RRAGD: variants seen among roughly 807,000 people sequenced by gnomAD.
RRAGD encodes Ras related GTP binding D, also known as ras-related GTP-binding protein D.
RRAGD carries 12 observed loss-of-function variants against 35.5 expected under a neutral mutation model. The observed-to-expected ratio is 0.34, with a 90% CI of 0.22 to 0.55. RRAGD has a LOEUF of 0.55. Among genes scored for constraint, RRAGD ranks in the 20% least tolerant of loss-of-function variants. RRAGD has a pLI of 0.91. For synonymous variants in RRAGD, 155 were observed against 178.9 expected, an observed-to-expected ratio of 0.87 and a Z score of 1.07; for missense variants, 324 against 490.1, an observed-to-expected ratio of 0.66 and a Z score of 3.20.
At chr6:89,374,106 G>A (rs754833553) in intron 5 of RRAGD, among the ~76,000 whole-genome samples, 9 of 152,072 alleles carry the variant, frequency 5.9e-5, no homozygotes, top group African/African-American at 1.9e-4. Flanking sequence ...CTGAGAACTA[G>A]CATTTATTAA....
Position 89,411,821 on chromosome 6 carries a change from G to A in RRAGD, c.148+25C>T. On this transcript the variant is annotated intron_variant, in intron 1 of 6. Transcript: ENST00000369415. The surrounding 1 kb of genome is among the most constrained non-coding windows in gnomAD (Gnocchi z 5.6). ...CAAGGGGAGGAAAGGGGCGCGAGCC[G>A]AGGACGCGGGGGCCGGGCGCTCACC... The A allele has an allele frequency of 1.3e-6, 2 of 1,541,776 alleles. No individual in the cohort carries two copies. The highest frequency in any genetic ancestry group is 8.7e-7 in the Non-Finnish European group (1 of 1,148,086).
chr6:89,380,234 T>A lies in RRAGD; in HGVS notation c.578A>T (p.Gln193Leu). 3 of 1,614,272 alleles carry A rather than the reference T, an allele frequency of 1.9e-6. No homozygotes were observed. Among genetic ancestry groups the A allele is most frequent in the Non-Finnish European group, 2.5e-6 (3 of 1,180,052 alleles). Residue 193 changes from glutamine to leucine, a missense_variant, in exon 3 of 7, where the codon CAA (glutamine) becomes CTA (leucine). Gln to Leu is a moderately radical substitution (Grantham distance 113). Coordinates refer to ENST00000369415, the MANE Select transcript of RRAGD (RefSeq NM_021244.5). The part of the protein sequence containing the change: ...GLSDDHKIET[Q>L]RDIHQRANDD... ...GTTTGCCCTCTGGTGAATATCTCTT[T>A]GGGTTTCAATTTTGTGGTCATCTGA...
rs1768772980 is a variant in RRAGD, at chr6:89,367,379, G to A, written c.*677C>T. ...AAGTGATTATAGAGATGTGTGTTGA[G>A]GTAAACAGCTTCATAAAAACCGTTG... On this transcript the variant is annotated 3_prime_UTR_variant, in exon 7 of 7. Transcript: ENST00000369415. 2 of 152,276 alleles carry A rather than the reference G, an allele frequency of 1.3e-5. No individual in the cohort carries two copies. The highest frequency in any genetic ancestry group is 4.1e-4 in the South Asian group (2 of 4,830). The allele number at this position is 152,276 out of a possible 1,614,324, so 9.4% of individuals were successfully genotyped here.
chr6:89,410,031 G>A (rs1233178354), intron 1 of RRAGD, among the ~76,000 whole-genome samples: 2 of 152,174 alleles, frequency 1.3e-5, no homozygotes, highest in Non-Finnish European at 2.9e-5. Flanking sequence ...TTGCCTTTAC[G>A]TTAACAGCTA....
chr6:89,405,968 C>A (rs1272226222), intron 1 of RRAGD, among the ~76,000 whole-genome samples: 1 of 152,176 alleles, frequency 6.6e-6, no homozygotes, highest in East Asian at 1.9e-4. Context: ...CACGAAGATT[C>A]ACTGTCCATT....
At chr6:89,389,678 G>A (rs570137031) in intron 1 of RRAGD, among the ~76,000 whole-genome samples, 7 of 151,674 alleles carry the variant, frequency 4.6e-5, no homozygotes, top group South Asian at 4.2e-4. Flanking sequence ...CTAGAAAACC[G>A]CTTAATTGGT....
At chr6:89,368,823 C>T (rs1432007316) in intron 6 of RRAGD, among the ~76,000 whole-genome samples, 1 of 152,124 alleles carries the variant, frequency 6.6e-6, no homozygotes, top group East Asian at 1.9e-4. Flanking sequence ...AGGGAATCTT[C>T]TTGTGTTTTC....
rs1252510624 is a variant in RRAGD, at chr6:89,366,843, C to T, written c.*1213G>A. On this transcript the variant is annotated 3_prime_UTR_variant, in exon 7 of 7. Coordinates refer to ENST00000369415, the MANE Select transcript of RRAGD (RefSeq NM_021244.5). ...TCTCCAGCCATCCTTTTCCCACTGA[C>T]CTTTAGGGGTCTTCAGGATGACTCT... The T allele has an allele frequency of 6.6e-6, 1 of 152,194 alleles. No homozygotes were observed. Among genetic ancestry groups the T allele is most frequent in the African/African-American group, 2.4e-5 (1 of 41,446 alleles). 9.4% of individuals were successfully genotyped at this position (152,194 alleles called of 1,614,324 possible). A position where few individuals can be genotyped will look rare whatever the true frequency, so the allele number is the denominator to read the frequency against.
intron 4 of RRAGD, 96 bp from the exon 5 acceptor site, chr6:89,377,909 C>A: frequency 1.1e-6 from 1 of 890,294 alleles, no homozygotes; most frequent in Non-Finnish European, 1.7e-6. Flanking sequence ...ATGTAAAATA[C>A]AAAATGAGCA....
intron 6 of RRAGD, among the ~76,000 whole-genome samples, chr6:89,370,597 A>G (rs1429784337): frequency 6.6e-6 from 1 of 152,250 alleles, no homozygotes; most frequent in Non-Finnish European, 1.5e-5. Flanking sequence ...CTTAGGAAAC[A>G]ACCAAAGATG....
chr6:89,411,560 C>T lies in RRAGD; in HGVS notation c.148+286G>A, dbSNP rs78882073. 1.6e-3 allele frequency: 678 copies of T among 422,164 alleles called. 1 individual carries two copies. The highest frequency in any genetic ancestry group is 0.011 in the African/African-American group (518 of 47,360). The allele number at this position is 422,164 out of a possible 1,614,324, so 26.2% of individuals were successfully genotyped here. ...TTGGGGTGAGGGGCGCGGGAGGCAC[C>T]GGCTCTGAAAGGGGCAGAAGCGCGC... On this transcript the variant is annotated intron_variant, in intron 1 of 6. Coordinates refer to ENST00000369415, the MANE Select transcript of RRAGD (RefSeq NM_021244.5). This position sits in a 1 kb window ranked among gnomAD's most constrained non-coding sequence, Gnocchi z 5.6.
At chr6:89,368,519 A>G (rs539568954) in intron 6 of RRAGD, among the ~76,000 whole-genome samples, 1 of 152,324 alleles carries the variant, frequency 6.6e-6, no homozygotes, top group South Asian at 2.1e-4. Context: ...TTAACCTTTC[A>G]GAATTAAAGA....
At chr6:89,390,551 T>C (rs1769214406) in intron 1 of RRAGD, among the ~76,000 whole-genome samples, 1 of 152,204 alleles carries the variant, frequency 6.6e-6, no homozygotes, top group Non-Finnish European at 1.5e-5. Flanking sequence ...GGAACCTTCA[T>C]ATGCCACTGG....
At chr6:89,405,353 C>CAA (rs56252416) in intron 1 of RRAGD, among the ~76,000 whole-genome samples, 4,433 of 50,946 alleles carry the variant, frequency 0.087, 338 homozygotes, top group African/African-American at 0.15. Flanking sequence ...GACTCCGTCT[C>CAA]AAAAAAAAAA....
In RRAGD at chr6:89,398,089, G is replaced by A. The variant is rs1769374874; in HGVS notation, c.149-10499C>T. ...TTGAACCCAGGAGGTGGAAGTTAGTGAGCCAAGATTGCGTCACTGCGCTCC... is the reference window on the plus strand; with the variant it reads ...TTGAACCCAGGAGGTGGAAGTTAGTAAGCCAAGATTGCGTCACTGCGCTCC... On this transcript the variant is annotated intron_variant, in intron 1 of 6. Transcript: ENST00000369415. Among the ~76,000 whole-genome samples the A allele has an allele frequency of 2.6e-5, 4 of 151,892 alleles. No individual in the cohort carries two copies. In the South Asian group the frequency reaches 6.2e-4, roughly 24 times the overall value.
At chr6:89,398,817 A>G (rs1485459620) in intron 1 of RRAGD, among the ~76,000 whole-genome samples, 1 of 152,188 alleles carries the variant, frequency 6.6e-6, no homozygotes, top group Non-Finnish European at 1.5e-5. Context: ...CACCACCTAG[A>G]GCCTTCACTA....
At chr6:89,378,302 C>CAAAA in intron 4 of RRAGD, among the ~76,000 whole-genome samples, 1 of 125,756 alleles carries the variant, frequency 8.0e-6, no homozygotes, top group South Asian at 2.5e-4. Context: ...AACTCCGTCT[C>CAAAA]AAAAAAAAAA....
At chr6:89,379,674 C>T (rs1185422670) in intron 3 of RRAGD, among the ~76,000 whole-genome samples, 2 of 152,210 alleles carry the variant, frequency 1.3e-5, no homozygotes, top group Admixed American at 6.5e-5. Flanking sequence ...CTTAGGTTGT[C>T]CAATTAGTAA....
At chr6:89,377,428 C>G (rs1313701816) in intron 5 of RRAGD, among the ~76,000 whole-genome samples, 3 of 152,148 alleles carry the variant, frequency 2.0e-5, no homozygotes, top group African/African-American at 7.2e-5. Flanking sequence ...CTGGACAACA[C>G]AGGGACACCC....
Sources: allele counts gnomAD v4.1 joint callset (sites outside exome capture counted in the v4.1 genomes callset), GRCh38; gene constraint gnomAD v4.1.1; non-coding constraint Gnocchi (gnomAD v3.1); transcripts MANE v1.5; gene names NCBI Gene and HGNC (gene_info 2026-07-23, HGNC 2026-07-21).